The following NXPH1 variants were observed in gnomAD, a reference collection of about 807,000 sequenced individuals.
NXPH1 encodes neurexophilin 1.
NXPH1 carries 5 observed loss-of-function variants against 23.7 expected under a neutral mutation model. That is an observed-to-expected ratio of 0.21 (90% CI 0.11 to 0.44). NXPH1 has a LOEUF of 0.44. Among genes scored for constraint, NXPH1 ranks in the 20% least tolerant of loss-of-function variants. NXPH1 has a pLI of 0.99. For synonymous variants in NXPH1, 144 were observed against 122.2 expected (o/e 1.18, Z -1.18); for missense variants, 324 against 321.6 (o/e 1.01, Z -0.06).
Position 8,528,682 on chromosome 7 carries a change from T to C in NXPH1, c.54+92915T>C, listed in dbSNP as rs536504846. Among the ~76,000 whole-genome samples, 5 of 152,312 alleles carry C rather than the reference T, an allele frequency of 3.3e-5. 1 individual carries two copies. In the South Asian group the frequency reaches 1.0e-3, roughly 32 times the overall value. On this transcript the variant is annotated intron_variant, in intron 2 of 2. Transcript: ENST00000405863. ...TCATAAGGTTTACTTTGTTGAAGAG[T>C]AGAAAGAGACCTTAGGAAAACTGCA...
chr7:8,638,033 A>C (rs1820247337), intron 2 of NXPH1, among the ~76,000 whole-genome samples: 4 of 152,206 alleles, frequency 2.6e-5, no homozygotes, highest in African/African-American at 9.6e-5. Flanking sequence ...AAATTGGAGA[A>C]TTGAATATAA....
chr7:8,671,466 A>T (rs1187469556), intron 2 of NXPH1, among the ~76,000 whole-genome samples: 1 of 152,198 alleles, frequency 6.6e-6, no homozygotes, highest in Non-Finnish European at 1.5e-5. Context: ...TTTTAGCAAG[A>T]GAAACATTTT....
In NXPH1 at chr7:8,497,782, G is replaced by C. The variant is rs1328233120; in HGVS notation, c.54+62015G>C. Among the ~76,000 whole-genome samples, 3 of 152,124 alleles carry C rather than the reference G, an allele frequency of 2.0e-5. No homozygotes were observed. In the East Asian group the frequency reaches 5.8e-4, roughly 29 times the overall value. ...ATATTAGCCCTTTGTCAGATGGGTA[G>C]ATTGTAAAAATTTTCTCCCATTCTG... On this transcript the variant is annotated intron_variant, in intron 2 of 2. Coordinates refer to ENST00000405863, the MANE Select transcript of NXPH1 (RefSeq NM_152745.3).
chr7:8,687,984 T>C (rs1412789185), intron 2 of NXPH1, among the ~76,000 whole-genome samples: 1 of 152,192 alleles, frequency 6.6e-6, no homozygotes, highest in African/African-American at 2.4e-5. Flanking sequence ...AAGTAAGGTA[T>C]GAGAATCTTA....
At chr7:8,674,487 A>G (rs375175900) in intron 2 of NXPH1, among the ~76,000 whole-genome samples, 57 of 152,310 alleles carry the variant, frequency 3.7e-4, no homozygotes, top group African/African-American at 1.3e-3. Context: ...TTTGCAATTA[A>G]ACTCTACTAA....
intron 2 of NXPH1, among the ~76,000 whole-genome samples, chr7:8,707,559 G>A (rs570095569): frequency 6.6e-6 from 1 of 151,968 alleles, no homozygotes; most frequent in Admixed American, 6.6e-5. Flanking sequence ...CTTTGTTTCT[G>A]CTTTTACCAT....
At chr7:8,745,842 C>G (rs1012181379) in intron 2 of NXPH1, among the ~76,000 whole-genome samples, 4 of 149,196 alleles carry the variant, frequency 2.7e-5, no homozygotes, top group African/African-American at 9.9e-5. Context: ...GCTAGGATTT[C>G]AGGCGAGAGC....
intron 2 of NXPH1, among the ~76,000 whole-genome samples, chr7:8,558,241 A>T (rs1240544308): frequency 6.6e-6 from 1 of 151,498 alleles, no homozygotes; most frequent in Admixed American, 6.6e-5. Context: ...TTTTTCGGTG[A>T]CACATTTTAT....
intron 2 of NXPH1, among the ~76,000 whole-genome samples, chr7:8,538,265 T>C (rs1409479117): frequency 6.6e-6 from 1 of 151,926 alleles, no homozygotes; most frequent in Non-Finnish European, 1.5e-5. Flanking sequence ...CTGAACCATT[T>C]CCTTAAGGCA....
At chr7:8,708,662 A>G (rs1173341975) in intron 2 of NXPH1, among the ~76,000 whole-genome samples, 1 of 152,086 alleles carries the variant, frequency 6.6e-6, no homozygotes, top group Non-Finnish European at 1.5e-5. Context: ...ATGCCTGCCT[A>G]GAATATGTGT....
intron 2 of NXPH1, among the ~76,000 whole-genome samples, chr7:8,665,617 C>A (rs1820747881): frequency 6.6e-6 from 1 of 151,892 alleles, no homozygotes; most frequent in African/African-American, 2.4e-5. Flanking sequence ...GCTGTATGAA[C>A]ATTTTAACAA....
intron 2 of NXPH1, among the ~76,000 whole-genome samples, chr7:8,481,319 C>A (rs114594311): frequency 6.6e-6 from 1 of 152,048 alleles, no homozygotes; most frequent in South Asian, 2.1e-4. Context: ...GAGATACCTA[C>A]GCAGAGATGT....
At chr7:8,747,249 C>A (rs866352811) in intron 2 of NXPH1, among the ~76,000 whole-genome samples, 4 of 152,154 alleles carry the variant, frequency 2.6e-5, no homozygotes, top group Admixed American at 2.0e-4. Context: ...CCAGAGTGCA[C>A]TCCCATAATT....
chr7:8,730,206 C>T (rs955707405), intron 2 of NXPH1, among the ~76,000 whole-genome samples: 2 of 149,510 alleles, frequency 1.3e-5, no homozygotes, highest in Admixed American at 6.7e-5. Context: ...GATCTGCCTC[C>T]ATCCTTTTAT....
chr7:8,587,644 C>T lies in NXPH1; in HGVS notation c.54+151877C>T, dbSNP rs147894940. Among the ~76,000 whole-genome samples, 486 of 152,234 alleles carry T rather than the reference C, an allele frequency of 3.2e-3. 1 individual carries two copies. Among genetic ancestry groups the T allele is most frequent in the Non-Finnish European group, 4.9e-3 (331 of 68,000 alleles). On this transcript the variant is annotated intron_variant, in intron 2 of 2. Coordinates refer to ENST00000405863, the MANE Select transcript of NXPH1 (RefSeq NM_152745.3). ...ATGATATCCCTCCCCTAGCCCCCAA[C>T]CGCCCAACAGGCCCCAGTGTGTGAT...
At chr7:8,613,320 G>T (rs1819659567) in intron 2 of NXPH1, among the ~76,000 whole-genome samples, 1 of 151,806 alleles carries the variant, frequency 6.6e-6, no homozygotes, top group Non-Finnish European at 1.5e-5. Context: ...TATTGTCCAG[G>T]GCTTTCGTGG....
intron 2 of NXPH1, among the ~76,000 whole-genome samples, chr7:8,731,853 C>A (rs1037078468): frequency 1.3e-5 from 2 of 152,264 alleles, no homozygotes; most frequent in Non-Finnish European, 2.9e-5. Context: ...CCTCCTTGAG[C>A]TGTGGTGGGC....
At chr7:8,455,094 T>C (rs1816572179) in intron 2 of NXPH1, among the ~76,000 whole-genome samples, 1 of 152,168 alleles carries the variant, frequency 6.6e-6, no homozygotes, top group Non-Finnish European at 1.5e-5. Context: ...TCTTAGATTA[T>C]CAGAGGTAAC....
intron 2 of NXPH1, among the ~76,000 whole-genome samples, chr7:8,685,441 T>TC (rs1412395013): frequency 6.6e-6 from 1 of 151,918 alleles, no homozygotes; most frequent in Non-Finnish European, 1.5e-5. Context: ...GGATCTCATT[T>TC]TTTTTTTTAT....
Sources: gnomAD v4.1 joint callset for allele counts (sites outside exome capture counted in the v4.1 genomes callset) on GRCh38, gnomAD v4.1.1 for gene constraint, MANE v1.5 for transcripts, NCBI Gene and HGNC (gene_info 2026-07-23, HGNC 2026-07-21) for gene names.